THRB: variants seen among roughly 807,000 people sequenced by gnomAD.
THRB encodes thyroid hormone receptor beta.
A neutral mutation model predicts 47.8 loss-of-function variants in THRB; 12 were observed. That is an observed-to-expected ratio of 0.25 (90% confidence interval 0.16 to 0.41). The LOEUF is 0.41. Among genes scored for constraint, THRB ranks in the 10% least tolerant of loss-of-function variants. The pLI is 1.00. For synonymous variants in THRB, 218 were observed against 212.2 expected (o/e 1.03, Z -0.24); for missense variants, 348 against 589.2 (o/e 0.59, Z 4.24).
At chr3:24,283,723 A>G (rs1386368730) in intron 3 of THRB, among the ~76,000 whole-genome samples, 133 of 151,200 alleles carry the variant, frequency 8.8e-4, no homozygotes, top group African/African-American at 3.1e-3. Flanking sequence ...GCTGATAAGC[A>G]ACTTCAGCAA....
At chr3:24,157,117 C>T (rs533863257) in intron 5 of THRB, among the ~76,000 whole-genome samples, 1 of 152,286 alleles carries the variant, frequency 6.6e-6, no homozygotes, top group Admixed American at 6.5e-5. Flanking sequence ...AGGCCTTCAT[C>T]CATTGCCCTC....
At chr3:24,372,244 G>T (rs2064973441) in intron 1 of THRB, among the ~76,000 whole-genome samples, 1 of 152,004 alleles carries the variant, frequency 6.6e-6, no homozygotes, top group Non-Finnish European at 1.5e-5. Context: ...CTGATTTTCA[G>T]GTGATAGTAA....
intron 3 of THRB, among the ~76,000 whole-genome samples, chr3:24,280,901 G>T (rs1169760453): frequency 6.6e-6 from 1 of 152,188 alleles, no homozygotes; most frequent in Admixed American, 6.5e-5. Flanking sequence ...GGAATAAAAA[G>T]AAATGAACAA....
At chr3:24,259,765 A>G (rs1250983773) in intron 3 of THRB, among the ~76,000 whole-genome samples, 2 of 152,038 alleles carry the variant, frequency 1.3e-5, no homozygotes, top group East Asian at 3.9e-4. Context: ...GTTTAAAGAT[A>G]GGTACAAAGA....
intron 4 of THRB, among the ~76,000 whole-genome samples, chr3:24,214,900 G>A (rs1013375168): frequency 2.0e-5 from 3 of 152,162 alleles, no homozygotes; most frequent in Admixed American, 2.0e-4. Flanking sequence ...AAATCATTAT[G>A]TTTTATGCCC....
At chr3:24,246,824 C>T (rs142056940) in intron 3 of THRB, among the ~76,000 whole-genome samples, 2 of 152,284 alleles carry the variant, frequency 1.3e-5, no homozygotes, top group African/African-American at 4.8e-5. Context: ...ACAAGGCCCA[C>T]TTAATGACTA....
At chr3:24,306,933 T>C (rs958363730) in intron 2 of THRB, among the ~76,000 whole-genome samples, 3 of 152,082 alleles carry the variant, frequency 2.0e-5, no homozygotes, top group Non-Finnish European at 4.4e-5. Context: ...TAGTCTATCA[T>C]ATCTGGTTCT....
Position 24,120,392 on chromosome 3 carries a change from A to T in THRB, c.*2492T>A, listed in dbSNP as rs903354966. ...GTTTATATGCCATACTATTTGGCCAATTCTCGATCATGGTTAGTCCCCAAA... is the reference window on the plus strand; with the variant it reads ...GTTTATATGCCATACTATTTGGCCATTTCTCGATCATGGTTAGTCCCCAAA... On this transcript the variant is annotated 3_prime_UTR_variant, in exon 11 of 11. Transcript: ENST00000646209. The T allele has an allele frequency of 2.0e-5, 3 of 152,372 alleles. No homozygotes were observed. Among genetic ancestry groups the T allele is most frequent in the Admixed American group, 1.3e-4 (2 of 15,304 alleles). The allele number at this position is 152,372 out of a possible 1,614,324, so 9.4% of individuals were successfully genotyped here. A position where few individuals can be genotyped will look rare whatever the true frequency, so the allele number is the denominator to read the frequency against.
chr3:24,164,971 A>T, intron 5 of THRB: 1 of 675,174 alleles, frequency 1.5e-6, no homozygotes, highest in East Asian at 2.5e-5. Flanking sequence ...TAACTTTAAA[A>T]TGAAACGAAA....
intron 1 of THRB, among the ~76,000 whole-genome samples, chr3:24,347,156 G>A (rs952679896): frequency 2.6e-5 from 4 of 151,962 alleles, no homozygotes; most frequent in Admixed American, 2.6e-4. Flanking sequence ...ATGGGTCAAA[G>A]ATTAAGCACA....
rs181042349 is a variant in THRB at position 24,269,310 on chromosome 3, C to T, written c.-43+27916G>A. Among the ~76,000 whole-genome samples the T allele has an allele frequency of 5.7e-3, 735 of 129,394 alleles. 6 individuals are homozygous for T. The highest frequency in any genetic ancestry group is 0.02 in the African/African-American group (696 of 34,592). 84.9% of individuals were successfully genotyped at this position (129,394 alleles called of 152,430 possible). Reference sequence around the variant, plus strand: ...ACACACACACACACACACACACACACACACACACACACGTTATCTTTGCTC... The same window carrying T: ...ACACACACACACACACACACACACATACACACACACACGTTATCTTTGCTC... On this transcript the variant is annotated intron_variant, in intron 3 of 10. Transcript: ENST00000646209.
intron 2 of THRB, among the ~76,000 whole-genome samples, chr3:24,314,723 A>T (rs1240080592): frequency 3.3e-5 from 5 of 152,180 alleles, no homozygotes; most frequent in African/African-American, 4.8e-5. Context: ...TTTCTTTGTA[A>T]CATGGAACAC....
chr3:24,250,144 C>T (rs2050518670), intron 3 of THRB, among the ~76,000 whole-genome samples: 1 of 152,160 alleles, frequency 6.6e-6, no homozygotes, highest in South Asian at 2.1e-4. Flanking sequence ...AGATCAAGCA[C>T]ATATATCCTC....
chr3:24,266,629 C>G (rs1469672352), intron 3 of THRB, among the ~76,000 whole-genome samples: 1 of 152,076 alleles, frequency 6.6e-6, no homozygotes, highest in East Asian at 1.9e-4. Context: ...TTTAGCACAT[C>G]GAATGGGATT....
intron 5 of THRB, among the ~76,000 whole-genome samples, chr3:24,179,879 A>G (rs766389187): frequency 1.9e-4 from 29 of 152,352 alleles, no homozygotes; most frequent in Non-Finnish European, 3.5e-4. Flanking sequence ...GGGAGAACAA[A>G]TAAGACTCAA....
intron 1 of THRB, chr3:24,348,719 T>C (rs574667924): frequency 6.6e-6 from 1 of 152,224 alleles, no homozygotes; most frequent in East Asian, 1.9e-4. Context: ...TACTCTCCAA[T>C]TTACAACACA....
intron 1 of THRB, among the ~76,000 whole-genome samples, chr3:24,363,779 A>G (rs1377525113): frequency 6.6e-6 from 1 of 152,186 alleles, no homozygotes; most frequent in East Asian, 1.9e-4. Flanking sequence ...CAAGTAATAC[A>G]CTTCATAATT....
chr3:24,389,916 T>A (rs1055532684), intron 1 of THRB, among the ~76,000 whole-genome samples: 1 of 152,180 alleles, frequency 6.6e-6, no homozygotes, highest in African/African-American at 2.4e-5. Context: ...TGCAGTTGAA[T>A]CAACAGGTAT....
intron 1 of THRB, among the ~76,000 whole-genome samples, chr3:24,397,586 C>T (rs2067061009): frequency 7.0e-6 from 1 of 143,010 alleles, no homozygotes; most frequent in South Asian, 2.2e-4. Flanking sequence ...CACATCTTAG[C>T]ACCTTTAGCA....
Sources: gnomAD v4.1 joint callset for allele counts (sites outside exome capture counted in the v4.1 genomes callset) on GRCh38, gnomAD v4.1.1 for gene constraint, MANE v1.5 for transcripts, NCBI Gene and HGNC (gene_info 2026-07-23, HGNC 2026-07-21) for gene names.